SIPA1L3: variants seen among roughly 807,000 people sequenced by gnomAD.
The protein encoded by SIPA1L3 is signal induced proliferation associated 1 like 3.
In SIPA1L3, 59 loss-of-function variants were observed where a neutral mutation model predicts 150.1. That is an observed-to-expected ratio of 0.39 (90% CI 0.32 to 0.49). The LOEUF (loss-of-function observed/expected upper bound fraction) is 0.49. Ranked by LOEUF, SIPA1L3 falls within the 20% of genes least tolerant of loss-of-function variation. SIPA1L3 has a pLI of 0.86. For missense variants in SIPA1L3, 2,211 were observed against 2,489.5 expected, an observed-to-expected ratio of 0.89 and a Z score of 2.38; for synonymous variants, 1,070 against 1,077.6, an observed-to-expected ratio of 0.99 and a Z score of 0.14.
intron 4 of SIPA1L3, among the ~76,000 whole-genome samples, chr19:38,097,565 C>CT (rs953212992): frequency 1.4e-4 from 21 of 151,326 alleles, no homozygotes; most frequent in South Asian, 2.1e-4. Context: ...GTGTTATGTA[C>CT]TTTTTTTTTA....
chr19:38,079,728 G>A (rs1969934473), intron 2 of SIPA1L3, among the ~76,000 whole-genome samples: 1 of 151,984 alleles, frequency 6.6e-6, no homozygotes. Flanking sequence ...GCTAATTTTT[G>A]TATTTTTAGT....
chr19:38,010,725 AAC>A (rs1968077219), intron 1 of SIPA1L3, among the ~76,000 whole-genome samples: 1 of 152,066 alleles, frequency 6.6e-6, no homozygotes, highest in African/African-American at 2.4e-5. Context: ...AACAAAACAA[AAC>A]AAAAAAGAAT....
intron 10 of SIPA1L3, among the ~76,000 whole-genome samples, chr19:38,138,095 C>T (rs1235439938): frequency 1.3e-5 from 2 of 152,104 alleles, no homozygotes; most frequent in African/African-American, 2.4e-5. Context: ...CACGCCACTG[C>T]ACTCTAGCCT....
Position 37,997,878 on chromosome 19 carries a change from A to G in SIPA1L3, c.-378-31211A>G, listed in dbSNP as rs559238076. Among the ~76,000 whole-genome samples the G allele has an allele frequency of 6.6e-5, 10 of 151,848 alleles. No homozygotes were observed. In the South Asian group the frequency reaches 2.1e-3, roughly 32 times the overall value. ...AGACTCCATCTCAAAAAAAAAAAAAAAAAGAAAAGAAAAAGAGAGAGAGAG... is the reference window on the plus strand; with the variant it reads ...AGACTCCATCTCAAAAAAAAAAAAAGAAAGAAAAGAAAAAGAGAGAGAGAG... On this transcript the variant is annotated intron_variant, in intron 1 of 21. Coordinates refer to ENST00000222345, the MANE Select transcript of SIPA1L3 (RefSeq NM_015073.3).
intron 18 of SIPA1L3, among the ~76,000 whole-genome samples, chr19:38,195,493 A>G (rs1020201597): frequency 2.6e-5 from 4 of 151,992 alleles, no homozygotes; most frequent in African/African-American, 9.7e-5. Flanking sequence ...TTTAGTGGAA[A>G]TTTCCCTGCT....
At chr19:38,154,351 C>T (rs891125433) in intron 13 of SIPA1L3, among the ~76,000 whole-genome samples, 1 of 152,084 alleles carries the variant, frequency 6.6e-6, no homozygotes, top group African/African-American at 2.4e-5. Flanking sequence ...CATTCTTGTG[C>T]CTGTCTTTTG....
intron 1 of SIPA1L3, among the ~76,000 whole-genome samples, chr19:38,010,051 A>T (rs923396871): frequency 1.3e-5 from 2 of 152,020 alleles, no homozygotes; most frequent in Non-Finnish European, 2.9e-5. Flanking sequence ...ATTATGTCTT[A>T]TACTGACGTC....
chr19:38,124,225 G>T (rs1260703202), intron 9 of SIPA1L3, among the ~76,000 whole-genome samples: 1 of 151,082 alleles, frequency 6.6e-6, no homozygotes, highest in African/African-American at 2.4e-5. Context: ...GCCGGGCGGA[G>T]GGGCTCCTCA....
At chr19:38,018,292 T>C (rs989340259) in intron 1 of SIPA1L3, among the ~76,000 whole-genome samples, 1 of 149,830 alleles carries the variant, frequency 6.7e-6, no homozygotes, top group Admixed American at 6.8e-5. Context: ...GCCTGCAGAG[T>C]AGCTGGGATC....
chr19:38,097,166 T>C (rs1568547982), intron 4 of SIPA1L3, among the ~76,000 whole-genome samples: 1 of 151,840 alleles, frequency 6.6e-6, no homozygotes, highest in Non-Finnish European at 1.5e-5. Context: ...CTGGGCAACA[T>C]AGTGGGACTC....
chr19:37,944,938 G>A (rs995900873), intron 1 of SIPA1L3, among the ~76,000 whole-genome samples: 2 of 152,080 alleles, frequency 1.3e-5, no homozygotes, highest in African/African-American at 4.8e-5. Flanking sequence ...GTGATAGAGC[G>A]AGACTCCATC....
At chr19:37,942,320 A>G (rs1376010882) in intron 1 of SIPA1L3, among the ~76,000 whole-genome samples, 1 of 151,816 alleles carries the variant, frequency 6.6e-6, no homozygotes, top group African/African-American at 2.4e-5. Context: ...GCCTGGAAGT[A>G]GAAGGGATTG....
intron 1 of SIPA1L3, among the ~76,000 whole-genome samples, chr19:37,980,701 G>A (rs559903383): frequency 1.1e-3 from 160 of 152,206 alleles, no homozygotes; most frequent in Non-Finnish European, 2.1e-3. Flanking sequence ...GAGCTCACCC[G>A]GGTGTGGGGT....
intron 11 of SIPA1L3, 30 bp from the exon 12 acceptor site, chr19:38,142,543 C>A: frequency 6.3e-7 from 1 of 1,586,566 alleles, no homozygotes; most frequent in Non-Finnish European, 8.6e-7. Context: ...TACTCACCCT[C>A]TGCCTCCTTC....
At position 38,164,734 on chromosome 19, in the gene SIPA1L3, G is replaced by A. The variant is rs764077337; in HGVS notation, c.4036G>A (p.Gly1346Arg). The change falls in exon 15 of 22, where the codon GGG becomes AGG. Residue 1346 changes from glycine (G) to arginine (R), a missense_variant. By Grantham distance (125) the Gly-to-Arg change is moderately radical. Around this residue, in one of 5 missense-constraint regions of SIPA1L3, gnomAD observed 806 missense variants for 870.1 expected, o/e 0.93. Coordinates refer to ENST00000222345, the MANE Select transcript of SIPA1L3 (RefSeq NM_015073.3). The surrounding 1 kb of genome is among the most constrained non-coding windows in gnomAD (Gnocchi z 4.1). ...CCCTGGAAGTATGGGCCTTTGTGGC[G>A]GGGGTCGCGAGGCCGCTGGGAGGTC... Reference protein sequence around the residue: ...KPPGSMGLCGGGREAAGRSHH... With the variant: ...KPPGSMGLCGRGREAAGRSHH... 16 of 1,613,284 alleles carry A rather than the reference G, an allele frequency of 9.9e-6. No homozygotes were observed. The highest frequency in any genetic ancestry group is 3.3e-5 in the South Asian group (3 of 91,028).
intron 4 of SIPA1L3, among the ~76,000 whole-genome samples, chr19:38,094,792 C>T (rs1450172177): frequency 6.6e-6 from 1 of 152,008 alleles, no homozygotes; most frequent in Non-Finnish European, 1.5e-5. Flanking sequence ...AATTGCCAGG[C>T]GTGGTAGCTC....
At chr19:38,202,260 A>G (rs1017007265) in intron 20 of SIPA1L3, among the ~76,000 whole-genome samples, 2 of 152,216 alleles carry the variant, frequency 1.3e-5, no homozygotes, top group Non-Finnish European at 2.9e-5. Context: ...ACTTGAATCA[A>G]TACACACACA....
intron 1 of SIPA1L3, among the ~76,000 whole-genome samples, chr19:37,990,162 A>G (rs1387962151): frequency 1.3e-5 from 2 of 151,822 alleles, no homozygotes; most frequent in African/African-American, 4.8e-5. Context: ...TGGTTGCTCA[A>G]CCACCCTGGA....
chr19:37,956,491 T>TG lies in SIPA1L3; in HGVS notation c.-379+49133_-379+49134insG, dbSNP rs1021265929. ...CTTTGGAAGTATAAAAGTTTTGTTT[T>TG]TTTTTTTTTTTGAGACTGAGTCTCA... On this transcript the variant is annotated intron_variant, in intron 1 of 21. Transcript: ENST00000222345. Among the ~76,000 whole-genome samples the TG allele has an allele frequency of 8.6e-4, 129 of 149,354 alleles. 2 individuals carry two copies. Among genetic ancestry groups the TG allele is most frequent in the African/African-American group, 2.8e-3 (113 of 40,334 alleles).
Sources: allele counts gnomAD v4.1 joint callset (sites outside exome capture counted in the v4.1 genomes callset), GRCh38; gene constraint gnomAD v4.1.1; regional missense constraint gnomAD v4.1.1; non-coding constraint Gnocchi (gnomAD v3.1); transcripts MANE v1.5; gene names NCBI Gene and HGNC (gene_info 2026-07-23, HGNC 2026-07-21).